Variants in EZH2 observed in about 807,000 individuals in gnomAD.
EZH2 encodes enhancer of zeste 2 polycomb repressive complex 2 subunit.
EZH2 carries 18 observed loss-of-function variants against 98.4 expected under a neutral mutation model. The ratio of observed to expected loss-of-function variants is 0.18; its 90% CI spans 0.13 to 0.27. The LOEUF (loss-of-function observed/expected upper bound fraction) is 0.27, where lower values mean the gene tolerates loss of function less well. Ranked by LOEUF, EZH2 falls within the 10% of genes least tolerant of loss-of-function variation. The pLI, the probability that EZH2 is intolerant of heterozygous loss-of-function variation, is 1.00. For missense variants in EZH2, 470 were observed against 935.1 expected (o/e 0.50, Z 6.49); for synonymous variants, 338 against 312.3 (o/e 1.08, Z -0.87).
At chr7:148,838,050 G>C (rs1488057017) in intron 3 of EZH2, among the ~76,000 whole-genome samples, 1 of 146,434 alleles carries the variant, frequency 6.8e-6, no homozygotes, top group Non-Finnish European at 1.5e-5. Context: ...ACAGTATCGG[G>C]AAGTTTAGAC....
intron 1 of EZH2, among the ~76,000 whole-genome samples, chr7:148,853,956 T>A (rs1816330014): frequency 6.6e-6 from 1 of 152,286 alleles, no homozygotes; most frequent in Admixed American, 6.5e-5. Context: ...AAGACACACC[T>A]TCCTACCTAC....
intron 1 of EZH2, among the ~76,000 whole-genome samples, chr7:148,874,896 C>CAA (rs546277839): frequency 2.7e-4 from 22 of 81,448 alleles, no homozygotes; most frequent in African/African-American, 5.7e-4. Flanking sequence ...GACTCCGTCT[C>CAA]AAAAAAAAAA....
chr7:148,827,320 T>C, intron 6 of EZH2, 54 bp from the exon 7 acceptor site: 2 of 1,322,634 alleles, frequency 1.5e-6, no homozygotes, highest in African/African-American at 2.9e-5. Context: ...AAGTTTTTGA[T>C]CTTTCATTTT....
intron 1 of EZH2, among the ~76,000 whole-genome samples, chr7:148,881,185 T>C (rs1820904677): frequency 6.6e-6 from 1 of 152,224 alleles, no homozygotes; most frequent in African/African-American, 2.4e-5. Flanking sequence ...AACCACAGAA[T>C]ACATTATATT....
intron 1 of EZH2, among the ~76,000 whole-genome samples, chr7:148,863,224 TCA>T (rs1388372813): frequency 6.6e-6 from 1 of 152,096 alleles, no homozygotes; most frequent in African/African-American, 2.4e-5. Context: ...TTTTCTTGAC[TCA>T]CAGAGAACCT....
rs75278327 is a variant in EZH2, at chr7:148,849,254, G to A, written c.-7-1949C>T. ...AGAATATTAGGAACTGCAGAAGGAT[G>A]GCAGGAAAGGTAACAAGGAACTCAA... On this transcript the variant is annotated intron_variant, in intron 1 of 19. Transcript: ENST00000320356. Among the ~76,000 whole-genome samples, 1,107 of 152,206 alleles carry A rather than the reference G, an allele frequency of 7.3e-3. 18 individuals are homozygous for A. The highest frequency in any genetic ancestry group is 0.025 in the African/African-American group (1,056 of 41,524).
chr7:148,882,405 T>C (rs1821136039), intron 1 of EZH2, among the ~76,000 whole-genome samples: 1 of 152,098 alleles, frequency 6.6e-6, no homozygotes, highest in Non-Finnish European at 1.5e-5. Flanking sequence ...ACCTTAAATA[T>C]TACATCACCC....
At chr7:148,829,699 T>C (rs1808793158) in intron 5 of EZH2, 29 bp downstream of exon 5, 1 of 1,599,228 alleles carries the variant, frequency 6.3e-7, no homozygotes, top group East Asian at 2.2e-5. Context: ...TTTAGCCCCT[T>C]TTTCCAAGAG....
At chr7:148,871,916 C>T (rs1819473475) in intron 1 of EZH2, among the ~76,000 whole-genome samples, 1 of 152,130 alleles carries the variant, frequency 6.6e-6, no homozygotes, top group African/African-American at 2.4e-5. Flanking sequence ...AAAAAATCCA[C>T]TTATAGATGG....
In EZH2 at chr7:148,826,082, A is replaced by C. The variant is rs76295993; in HGVS notation, c.907+372T>G. Reference sequence around the variant, plus strand: ...CATTAAATCGACAAGCACTTACCTGAACATTTTTTTGGCCAATTTCTTATT... The same window carrying C: ...CATTAAATCGACAAGCACTTACCTGCACATTTTTTTGGCCAATTTCTTATT... On this transcript the variant is annotated intron_variant, in intron 8 of 19. Coordinates refer to ENST00000320356, the MANE Select transcript of EZH2 (RefSeq NM_004456.5). 4.2e-3 allele frequency among the ~76,000 whole-genome samples: 638 copies of C among 152,318 alleles called. 4 individuals carry two copies. The highest frequency in any genetic ancestry group is 0.014 in the African/African-American group (596 of 41,552).
Position 148,828,729 on chromosome 7 carries a change from AT to A in EZH2, c.625+10del. 1 of 1,610,018 alleles carries A rather than the reference AT, an allele frequency of 6.2e-7. No homozygotes were observed. The highest frequency in any genetic ancestry group is 1.1e-5 in the South Asian group (1 of 90,370). The stretch of plus-strand genomic sequence containing the variant: ...GTAATGGCTACACAGAATCCTAATA[AT>A]CAGGCATACCATCTCGGTGATCCTC... On this transcript the variant is annotated intron_variant, in intron 6 of 19. Transcript: ENST00000320356.
chr7:148,813,461 T>C, intron 15 of EZH2, among the ~76,000 whole-genome samples: 1 of 151,928 alleles, frequency 6.6e-6, no homozygotes. Context: ...ATATAGTTCC[T>C]AGCTGGGTTT....
At chr7:148,878,535 G>GTTTTCATTGGT (rs1470521637) in intron 1 of EZH2, among the ~76,000 whole-genome samples, 13 of 151,952 alleles carry the variant, frequency 8.6e-5, no homozygotes, top group Non-Finnish European at 1.9e-4. Flanking sequence ...CTCCTTTTAT[G>GTTTTCATTGGT]TTTTCATTGG....
intron 1 of EZH2, among the ~76,000 whole-genome samples, chr7:148,869,008 G>T (rs1387444312): frequency 6.6e-6 from 1 of 152,154 alleles, no homozygotes; most frequent in Non-Finnish European, 1.5e-5. Context: ...TGCCAATTTA[G>T]ATTTGATTGT....
In EZH2 at chr7:148,807,503, A is replaced by C. The variant is rs1413876445; in HGVS notation, c.*143T>G. The C allele has an allele frequency of 7.3e-6, 5 of 685,758 alleles. No individual in the cohort carries two copies. In the East Asian group the frequency reaches 1.4e-4, roughly 19 times the overall value. The allele number at this position is 685,758 out of a possible 1,614,324, so 42.5% of individuals were successfully genotyped here. ...AAGGCAATAAAAAGTTGATTTTTAA[A>C]CTCATTACTATAAATTATTCTTACA... On this transcript the variant is annotated 3_prime_UTR_variant, in exon 20 of 20. Coordinates refer to ENST00000320356, the MANE Select transcript of EZH2 (RefSeq NM_004456.5).
intron 3 of EZH2, among the ~76,000 whole-genome samples, chr7:148,834,140 ATATGG>A (rs1236975530): frequency 2.6e-5 from 4 of 152,206 alleles, no homozygotes; most frequent in Non-Finnish European, 4.4e-5. Context: ...ATTCTCTGAA[ATATGG>A]TATAACTCTG....
chr7:148,877,716 T>C (rs971002981), intron 1 of EZH2, among the ~76,000 whole-genome samples: 1 of 152,198 alleles, frequency 6.6e-6, no homozygotes, highest in Non-Finnish European at 1.5e-5. Flanking sequence ...ATTACCACTC[T>C]GGCTGAGAAA....
intron 16 of EZH2, among the ~76,000 whole-genome samples, chr7:148,811,118 A>G (rs1802952248): frequency 1.3e-5 from 2 of 152,168 alleles, no homozygotes; most frequent in Admixed American, 6.5e-5. Flanking sequence ...AAATGTGGCT[A>G]GAACCAAGCA....
chr7:148,863,188 C>A (rs772816469), intron 1 of EZH2, among the ~76,000 whole-genome samples: 1 of 151,862 alleles, frequency 6.6e-6, no homozygotes, highest in South Asian at 2.1e-4. Flanking sequence ...AGACATCATA[C>A]GAATCCGAAG....
Sources: allele counts gnomAD v4.1 joint callset (sites outside exome capture counted in the v4.1 genomes callset), GRCh38; gene constraint gnomAD v4.1.1; transcripts MANE v1.5; gene names NCBI Gene and HGNC (gene_info 2026-07-23, HGNC 2026-07-21).